Variants in PRIM2 observed in about 807,000 individuals in gnomAD.
The protein encoded by PRIM2 is DNA primase subunit 2.
A neutral mutation model predicts 67.3 loss-of-function variants in PRIM2; 39 were observed. The ratio of observed to expected loss-of-function variants is 0.58; its 90% CI spans 0.45 to 0.76. The LOEUF (loss-of-function observed/expected upper bound fraction) is 0.76. Ranked by LOEUF, PRIM2 falls within the 30% of genes least tolerant of loss-of-function variation. PRIM2 has a pLI of 0.00. For missense variants in PRIM2, 398 were observed against 598.7 expected (o/e 0.66, Z 3.50); for synonymous variants, 143 against 198.7 (o/e 0.72, Z 2.36).
chr6:57,539,648 GTGTGTGTGTATATATA>G (rs1475174447), intron 10 of PRIM2, among the ~76,000 whole-genome samples: 68 of 78,992 alleles, frequency 8.6e-4, no homozygotes, highest in East Asian at 3.7e-3. Context: ...GTGTGTGTGT[GTGTGTGTGTATATATA>G]TATATATATG....
At chr6:57,415,364 G>C (rs1432812041) in intron 7 of PRIM2, among the ~76,000 whole-genome samples, 1 of 152,152 alleles carries the variant, frequency 6.6e-6, no homozygotes, top group Non-Finnish European at 1.5e-5. Flanking sequence ...ATAAATTTTT[G>C]TTTCCCAGTG....
intron 7 of PRIM2, among the ~76,000 whole-genome samples, chr6:57,418,383 G>GTTTTTTTTTTTTTTTT (rs34491627): frequency 6.4e-5 from 3 of 47,228 alleles, no homozygotes; most frequent in East Asian, 5.3e-4. Flanking sequence ...TATGTGTGTG[G>GTTTTTTTTTTTTTTTT]TTTTTTTTTT....
At chr6:57,284,264 A>C in the PRIM2 span, among the ~76,000 whole-genome samples, 1 of 152,206 alleles carries the variant, frequency 6.6e-6, no homozygotes, top group African/African-American at 2.4e-5. Flanking sequence ...TGCATGTCAG[A>C]TAAGACAAAC....
chr6:57,478,560 CA>C (rs1309324969), intron 7 of PRIM2, among the ~76,000 whole-genome samples: 7 of 152,104 alleles, frequency 4.6e-5, no homozygotes, highest in African/African-American at 1.4e-4. Context: ...TAGAAATTAA[CA>C]TACTCTACTA....
At chr6:57,580,649 CA>C (rs1776064742) in intron 10 of PRIM2, among the ~76,000 whole-genome samples, 1 of 152,164 alleles carries the variant, frequency 6.6e-6, no homozygotes, top group African/African-American at 2.4e-5. Context: ...TCCTCCAGGG[CA>C]TCTCTGGAAT....
At chr6:57,391,817 CTGCTTAGGAT>C (rs1310476049) in intron 7 of PRIM2, among the ~76,000 whole-genome samples, 2 of 152,036 alleles carry the variant, frequency 1.3e-5, no homozygotes, top group African/African-American at 4.8e-5. Flanking sequence ...GTTGTTCTTT[CTGCTTAGGAT>C]TGCCTTGGCT....
At chr6:57,470,031 C>G (rs1184434254) in intron 7 of PRIM2, among the ~76,000 whole-genome samples, 2 of 151,980 alleles carry the variant, frequency 1.3e-5, no homozygotes, top group Non-Finnish European at 2.9e-5. Context: ...GTTACCCTGA[C>G]CTGTTAAAGC....
chr6:57,373,120 A>G (rs1769620952), intron 5 of PRIM2, among the ~76,000 whole-genome samples: 2 of 152,036 alleles, frequency 1.3e-5, no homozygotes, highest in East Asian at 3.9e-4. Context: ...CCTTGCCAGC[A>G]TCTGTTGTTT....
chr6:57,225,121 T>G, the PRIM2 span, among the ~76,000 whole-genome samples: 1 of 152,120 alleles, frequency 6.6e-6, no homozygotes, highest in Non-Finnish European at 1.5e-5. Context: ...TCTCCACAAT[T>G]TATCACCTTT....
chr6:57,298,292 T>C, the PRIM2 span, among the ~76,000 whole-genome samples: 2 of 151,818 alleles, frequency 1.3e-5, no homozygotes, highest in African/African-American at 4.8e-5. Flanking sequence ...ACCCGGGAGG[T>C]GGAGGTTGCA....
chr6:57,542,206 C>T (rs1775175253), intron 10 of PRIM2, among the ~76,000 whole-genome samples: 2 of 152,284 alleles, frequency 1.3e-5, no homozygotes, highest in Non-Finnish European at 2.9e-5. Flanking sequence ...GAACTCCTGA[C>T]CTCAGGTGAT....
chr6:57,472,696 A>G (rs1773366801), intron 7 of PRIM2, among the ~76,000 whole-genome samples: 2 of 152,384 alleles, frequency 1.3e-5, no homozygotes, highest in Admixed American at 6.5e-5. Context: ...TGGAATGTTC[A>G]TATCTCAGAA....
At chr6:57,553,382 C>G (rs1315266949) in intron 10 of PRIM2, among the ~76,000 whole-genome samples, 2 of 151,588 alleles carry the variant, frequency 1.3e-5, no homozygotes, top group African/African-American at 2.4e-5. Flanking sequence ...TTTAAAAATA[C>G]TTAAAATTGC....
At chr6:57,377,871 CA>C (rs1769820254) in intron 5 of PRIM2, among the ~76,000 whole-genome samples, 11 of 150,804 alleles carry the variant, frequency 7.3e-5, no homozygotes, top group Non-Finnish European at 1.6e-4. Context: ...CAACACATCA[CA>C]AAGGTTTTGT....
At chr6:57,576,321 T>C (rs1258373914) in intron 10 of PRIM2, among the ~76,000 whole-genome samples, 1 of 151,900 alleles carries the variant, frequency 6.6e-6, no homozygotes, top group Non-Finnish European at 1.5e-5. Flanking sequence ...GCAATTTGTC[T>C]TATCTTTTTC....
chr6:57,346,215 G>C (rs975807551), intron 5 of PRIM2, among the ~76,000 whole-genome samples: 3 of 152,112 alleles, frequency 2.0e-5, no homozygotes, highest in Non-Finnish European at 4.4e-5. Flanking sequence ...ATTTGATCCA[G>C]CCTTTGTTCA....
chr6:57,333,473 A>G (rs1393218537), intron 5 of PRIM2, among the ~76,000 whole-genome samples: 1 of 152,146 alleles, frequency 6.6e-6, no homozygotes, highest in Non-Finnish European at 1.5e-5. Flanking sequence ...GTGAACTTTC[A>G]TGGCGATGTC....
intron 8 of PRIM2, among the ~76,000 whole-genome samples, chr6:57,522,623 G>T (rs1554349026): frequency 4.0e-5 from 6 of 151,718 alleles, no homozygotes; most frequent in African/African-American, 1.5e-4. Flanking sequence ...TGAGTAGCTG[G>T]GACTACAGAT....
intron 3 of PRIM2, among the ~76,000 whole-genome samples, chr6:57,323,542 T>G (rs1767732454): frequency 6.6e-6 from 1 of 152,054 alleles, no homozygotes; most frequent in African/African-American, 2.4e-5. Flanking sequence ...ATGATAATTA[T>G]CCTGAAAAGC....
Sources: gnomAD v4.1 joint callset for allele counts (sites outside exome capture counted in the v4.1 genomes callset) on GRCh38, gnomAD v4.1.1 for gene constraint, MANE v1.5 for transcripts, NCBI Gene and HGNC (gene_info 2026-07-23, HGNC 2026-07-21) for gene names.